The following PAK5 variants were observed in gnomAD, a reference collection of about 807,000 sequenced individuals.
PAK5 encodes the protein p21 (RAC1) activated kinase 5, also known as serine/threonine-protein kinase PAK 5.
Under a neutral mutation model 65.9 loss-of-function variants are expected in PAK5, and 16 were observed. The ratio of observed to expected loss-of-function variants is 0.24; its 90% CI spans 0.16 to 0.37. The LOEUF is 0.37. Among genes scored for constraint, PAK5 ranks in the 10% least tolerant of loss-of-function variants. The pLI is 1.00. For synonymous variants in PAK5, 371 were observed against 354.9 expected (o/e 1.05, Z -0.51); for missense variants, 785 against 903.9 (o/e 0.87, Z 1.69).
chr20:9,789,137 A>G (rs762708517), intron 1 of PAK5, among the ~76,000 whole-genome samples: 3 of 152,226 alleles, frequency 2.0e-5, no homozygotes, highest in African/African-American at 4.8e-5. Flanking sequence ...ACTGGCTGCC[A>G]GAAAGGCAAG....
At chr20:9,772,802 T>C (rs1050368676) in intron 1 of PAK5, among the ~76,000 whole-genome samples, 36 of 152,192 alleles carry the variant, frequency 2.4e-4, no homozygotes, top group African/African-American at 8.2e-4. Flanking sequence ...TCCCTATTCT[T>C]CTTGGCCCAA....
chr20:9,768,909 T>C (rs540308083), intron 1 of PAK5, among the ~76,000 whole-genome samples: 1 of 150,548 alleles, frequency 6.6e-6, no homozygotes, highest in Non-Finnish European at 1.5e-5. Flanking sequence ...TATATGACTA[T>C]TATGTTCCCA....
intron 1 of PAK5, among the ~76,000 whole-genome samples, chr20:9,735,539 A>G (rs1279367674): frequency 6.6e-6 from 1 of 152,146 alleles, no homozygotes; most frequent in Non-Finnish European, 1.5e-5. Context: ...TAGGTAAAGT[A>G]CTCAGGAAGG....
intron 1 of PAK5, among the ~76,000 whole-genome samples, chr20:9,810,906 T>C (rs1270084074): frequency 6.6e-6 from 1 of 152,136 alleles, no homozygotes. Context: ...TACATACATA[T>C]GCACATACAG....
chr20:9,620,941 CAGAGAAAGAGAG>C (rs1335601702), intron 3 of PAK5, among the ~76,000 whole-genome samples: 353 of 99,040 alleles, frequency 3.6e-3, no homozygotes, highest in African/African-American at 0.013. Context: ...ATCCAGCAGC[CAGAGAAAGAGAG>C]AGAGAAAGAG....
chr20:9,624,116 A>G (rs2046809242), intron 3 of PAK5, among the ~76,000 whole-genome samples: 1 of 152,238 alleles, frequency 6.6e-6, no homozygotes, highest in African/African-American at 2.4e-5. Flanking sequence ...AGACAATAAA[A>G]TATTGTAAGA....
At chr20:9,618,915 GTTTTTT>G (rs150725498) in intron 3 of PAK5, among the ~76,000 whole-genome samples, 3 of 18,838 alleles carry the variant, frequency 1.6e-4, no homozygotes, top group South Asian at 1.9e-3. Flanking sequence ...TCTTTCTTTC[GTTTTTT>G]TTTTTTTTTT....
intron 9 of PAK5, among the ~76,000 whole-genome samples, chr20:9,542,132 T>C (rs1338265720): frequency 1.3e-5 from 2 of 152,324 alleles, no homozygotes; most frequent in Non-Finnish European, 1.5e-5. Flanking sequence ...TTTCATAGTA[T>C]GTACCACACT....
intron 1 of PAK5, among the ~76,000 whole-genome samples, chr20:9,799,234 C>T (rs530272240): frequency 2.6e-5 from 4 of 152,250 alleles, no homozygotes; most frequent in Non-Finnish European, 4.4e-5. Flanking sequence ...ACAAAGTCAT[C>T]CATAGGGCAA....
intron 1 of PAK5, among the ~76,000 whole-genome samples, chr20:9,764,329 T>TA (rs1244443310): frequency 1.3e-5 from 2 of 152,092 alleles, no homozygotes; most frequent in Admixed American, 1.3e-4. Context: ...TAGATACCAT[T>TA]AGGTCCCTTT....
chr20:9,546,111 C>T (rs192561357), intron 7 of PAK5, among the ~76,000 whole-genome samples: 2 of 152,098 alleles, frequency 1.3e-5, no homozygotes, highest in Non-Finnish European at 2.9e-5. Context: ...GAGGTCTGAC[C>T]CAGAGACAAG....
At chr20:9,644,046 C>T (rs2047101335) in intron 3 of PAK5, 79 bp downstream of exon 3, 1 of 1,039,444 alleles carries the variant, frequency 9.6e-7, no homozygotes, top group Non-Finnish European at 1.5e-6. Context: ...CATTTTATAG[C>T]TTGCTTATAA....
chr20:9,656,062 C>A (rs1026267934), intron 2 of PAK5, among the ~76,000 whole-genome samples: 5 of 152,042 alleles, frequency 3.3e-5, no homozygotes, highest in African/African-American at 9.7e-5. Context: ...GGGAGGTGGA[C>A]AGAATTCATC....
intron 4 of PAK5, among the ~76,000 whole-genome samples, chr20:9,579,581 C>T (rs2045942839): frequency 6.6e-6 from 1 of 152,176 alleles, no homozygotes; most frequent in African/African-American, 2.4e-5. Flanking sequence ...AACCATCTGT[C>T]ACCCCCAAAT....
At chr20:9,614,993 T>A (rs1030922911) in intron 3 of PAK5, among the ~76,000 whole-genome samples, 1 of 152,198 alleles carries the variant, frequency 6.6e-6, no homozygotes, top group Non-Finnish European at 1.5e-5. Context: ...CACAATGTAT[T>A]AACATATATA....
At chr20:9,718,529 T>C (rs191525120) in intron 1 of PAK5, among the ~76,000 whole-genome samples, 1 of 152,262 alleles carries the variant, frequency 6.6e-6, no homozygotes, top group African/African-American at 2.4e-5. Flanking sequence ...CAAGACCTTG[T>C]CCTCATTAAT....
chr20:9,579,259 C>T (rs1273376929), intron 4 of PAK5, among the ~76,000 whole-genome samples: 2 of 152,178 alleles, frequency 1.3e-5, no homozygotes, highest in African/African-American at 4.8e-5. Context: ...AATCCACATT[C>T]CACACCCTAC....
At chr20:9,599,053 T>G (rs2123098163) in intron 3 of PAK5, among the ~76,000 whole-genome samples, 1 of 152,302 alleles carries the variant, frequency 6.6e-6, no homozygotes, top group African/African-American at 2.4e-5. Flanking sequence ...CCTGGTAACC[T>G]CGAATCTACT....
intron 2 of PAK5, among the ~76,000 whole-genome samples, chr20:9,691,444 A>G (rs989266793): frequency 6.6e-6 from 1 of 152,174 alleles, no homozygotes; most frequent in Admixed American, 6.5e-5. Flanking sequence ...CGGAAAGAAA[A>G]AGACTGTCGG....
Sources: allele counts gnomAD v4.1 joint callset (sites outside exome capture counted in the v4.1 genomes callset), GRCh38; gene constraint gnomAD v4.1.1; transcripts MANE v1.5; gene names NCBI Gene and HGNC (gene_info 2026-07-23, HGNC 2026-07-21).